Variants in ABHD2 observed in about 807,000 individuals in gnomAD.
ABHD2 encodes the protein abhydrolase domain containing 2, acylglycerol lipase.
A neutral mutation model predicts 48.1 loss-of-function variants in ABHD2; 20 were observed. The ratio of observed to expected loss-of-function variants is 0.42; its 90% CI spans 0.29 to 0.60. The LOEUF is 0.60. ABHD2 is among the 20% of genes least tolerant of loss of function. The pLI, the probability that ABHD2 is intolerant of heterozygous loss-of-function variation, is 0.24. For missense variants in ABHD2, 405 were observed against 550.9 expected (o/e 0.74, Z 2.65); for synonymous variants, 209 against 214.2 (o/e 0.98, Z 0.21).
intron 1 of ABHD2, among the ~76,000 whole-genome samples, chr15:89,098,526 T>C (rs144633912): frequency 6.6e-6 from 1 of 152,318 alleles, no homozygotes; most frequent in Non-Finnish European, 1.5e-5. Context: ...TTCCAGCTCC[T>C]TGTGTGGCCT....
At chr15:89,052,087 C>T in the ABHD2 span, among the ~76,000 whole-genome samples, 1 of 152,184 alleles carries the variant, frequency 6.6e-6, no homozygotes, top group African/African-American at 2.4e-5. Flanking sequence ...AGGCTGAGAT[C>T]TTAGGCCAGA....
At chr15:89,178,760 C>T (rs747913965) in intron 6 of ABHD2, among the ~76,000 whole-genome samples, 5 of 152,294 alleles carry the variant, frequency 3.3e-5, no homozygotes, top group Middle Eastern at 3.4e-3. Flanking sequence ...GCTGCCAACC[C>T]GCCTGGGGAC....
chr15:89,049,469 C>T, the ABHD2 span, among the ~76,000 whole-genome samples: 287 of 152,338 alleles, frequency 1.9e-3, 1 homozygote, highest in South Asian at 0.011. Context: ...TGGGCAATGG[C>T]GGGCGCCCCT....
chr15:89,135,975 G>A, intron 3 of ABHD2: 2 of 348,918 alleles, frequency 5.7e-6, no homozygotes, highest in Non-Finnish European at 1.1e-5. Flanking sequence ...TGCCCAGGCT[G>A]GAGTGCAATG....
the ABHD2 span, among the ~76,000 whole-genome samples, chr15:89,044,353 G>A: frequency 0.88 from 133,355 of 152,130 alleles, 58,974 homozygotes; most frequent in African/African-American, 0.97. Flanking sequence ...GAATAATGCC[G>A]CAATAAACAT....
intron 6 of ABHD2, among the ~76,000 whole-genome samples, chr15:89,181,340 C>T (rs1181583410): frequency 6.6e-6 from 1 of 151,878 alleles, no homozygotes; most frequent in Non-Finnish European, 1.5e-5. Flanking sequence ...AAATCCCCTC[C>T]TTCTACAAGT....
At chr15:89,171,390 G>T (rs1403631795) in intron 5 of ABHD2, among the ~76,000 whole-genome samples, 1 of 152,128 alleles carries the variant, frequency 6.6e-6, no homozygotes, top group African/African-American at 2.4e-5. Flanking sequence ...GCTTGCTCAG[G>T]GGCCACACTC....
At position 89,114,675 on chromosome 15, in the gene ABHD2, A is replaced by G. The variant is rs1300210333; in HGVS notation, c.-7+851A>G. Reference sequence around the variant, plus strand: ...TTTTTGTATTTTTGGTAGAGACAGGATTTCACCATGTTGGCCAGGGCTGGT... The same window carrying G: ...TTTTTGTATTTTTGGTAGAGACAGGGTTTCACCATGTTGGCCAGGGCTGGT... On this transcript the variant is annotated intron_variant, in intron 2 of 10. Transcript: ENST00000352732. This position sits in a 1 kb window ranked among gnomAD's most constrained non-coding sequence, Gnocchi z 4.2. 1.3e-5 allele frequency among the ~76,000 whole-genome samples: 2 copies of G among 151,762 alleles called. No homozygotes were observed. Among genetic ancestry groups the G allele is most frequent in the African/African-American group, 2.4e-5 (1 of 41,292 alleles).
Position 89,102,070 on chromosome 15 carries a change from C to T in ABHD2, c.-106-11655C>T, listed in dbSNP as rs529364480. Among the ~76,000 whole-genome samples, 217 of 152,302 alleles carry T rather than the reference C, an allele frequency of 1.4e-3. 2 individuals carry two copies. The highest frequency in any genetic ancestry group is 0.01 in the Middle Eastern group (3 of 294). On this transcript the variant is annotated intron_variant, in intron 1 of 10. Transcript: ENST00000352732. The surrounding 1 kb of genome is among the most constrained non-coding windows in gnomAD (Gnocchi z 4.8). ...GCACTGAAGCTTCATTCCATAATGA[C>T]TCACTGCCACTGCTCCAAAACACAC...
the ABHD2 span, among the ~76,000 whole-genome samples, chr15:89,063,291 G>T: frequency 6.6e-6 from 1 of 151,264 alleles, no homozygotes; most frequent in Non-Finnish European, 1.5e-5. Flanking sequence ...TCTTGATAGA[G>T]TATGGAATTC....
chr15:89,079,777 T>G, the ABHD2 span, among the ~76,000 whole-genome samples: 1 of 152,202 alleles, frequency 6.6e-6, no homozygotes, highest in South Asian at 2.1e-4. This position sits in a 1 kb window ranked among gnomAD's most constrained non-coding sequence, Gnocchi z 4.3. Context: ...AAAGACTTCC[T>G]CCCTCCTTCT....
chr15:89,135,627 G>C (rs2050296716), intron 3 of ABHD2: 2 of 1,547,616 alleles, frequency 1.3e-6, no homozygotes, highest in Non-Finnish European at 1.7e-6. Context: ...TCTTTTTCTT[G>C]CTTTTTTCAG....
At chr15:89,049,034 C>T in the ABHD2 span, among the ~76,000 whole-genome samples, 1,462 of 152,100 alleles carry the variant, frequency 9.6e-3, 34 homozygotes, top group African/African-American at 0.032. Flanking sequence ...TTTTGGTCTT[C>T]GATGATGGTG....
At chr15:89,115,822 C>T (rs2049950934) in intron 2 of ABHD2, among the ~76,000 whole-genome samples, 1 of 152,138 alleles carries the variant, frequency 6.6e-6, no homozygotes, top group Admixed American at 6.5e-5. Flanking sequence ...CACCTGGTGG[C>T]ACCAGCAGTC....
rs1470234888 is a variant in ABHD2, at chr15:89,088,726, G to T, written c.-107+163G>T. On this transcript the variant is annotated intron_variant, in intron 1 of 10. Transcript: ENST00000352732. The surrounding 1 kb of genome is among the most constrained non-coding windows in gnomAD (Gnocchi z 6.8). The stretch of plus-strand genomic sequence containing the variant: ...ATCTGGCGCCGTGGGGGTCCCAGGG[G>T]CTGGCTTGCCCAGTGGTGGGGACAG... 1.3e-5 allele frequency among the ~76,000 whole-genome samples: 2 copies of T among 152,382 alleles called. No individual in the cohort carries two copies. The highest frequency in any genetic ancestry group is 4.8e-5 in the African/African-American group (2 of 41,600).
chr15:89,175,233 T>G lies in ABHD2; in HGVS notation c.539-579T>G, dbSNP rs2050993048. On this transcript the variant is annotated intron_variant, in intron 5 of 10. Transcript: ENST00000352732. The surrounding 1 kb of genome is among the most constrained non-coding windows in gnomAD (Gnocchi z 5.7). ...GCATTTATTTATTTATTTACTTATT[T>G]TATTTTTTTGAGACAGGGTCTCACT... 6.6e-6 allele frequency among the ~76,000 whole-genome samples: 1 copy of G among 152,234 alleles called. No individual in the cohort carries two copies. The highest frequency in any genetic ancestry group is 1.5e-5 in the Non-Finnish European group (1 of 68,040).
intron 3 of ABHD2, among the ~76,000 whole-genome samples, chr15:89,139,692 C>G (rs895526613): frequency 5.3e-5 from 8 of 152,146 alleles, no homozygotes; most frequent in Non-Finnish European, 1.0e-4. Flanking sequence ...ATCTGTTTGT[C>G]AGAGTAAAGG....
rs1441025699 is a variant in ABHD2 at position 89,137,766 on chromosome 15, T to G, written c.195-13911T>G. Among the ~76,000 whole-genome samples the G allele has an allele frequency of 6.6e-6, 1 of 152,214 alleles. No homozygotes were observed. The highest frequency in any genetic ancestry group is 1.5e-5 in the Non-Finnish European group (1 of 68,022). On this transcript the variant is annotated intron_variant, in intron 3 of 10. Coordinates refer to ENST00000352732, the MANE Select transcript of ABHD2 (RefSeq NM_152924.5). The surrounding 1 kb of genome is among the most constrained non-coding windows in gnomAD (Gnocchi z 4.8). The stretch of plus-strand genomic sequence containing the variant: ...CAAAGTGGATTTCTGATGAGCCTAT[T>G]AATGGGTGTTTGGGAAGCTGAATAT...
At position 89,155,888 on chromosome 15, in the gene ABHD2, C is replaced by T. The variant is rs940170563; in HGVS notation, c.538+354C>T. Among the ~76,000 whole-genome samples, 122 of 152,204 alleles carry T rather than the reference C, an allele frequency of 8.0e-4. No homozygotes were observed. Among genetic ancestry groups the T allele is most frequent in the African/African-American group, 2.9e-3 (119 of 41,526 alleles). ...CTGTGCTGTTCTGATGCTCGTTCCT[C>T]AGGACTCTTGTGACTGACAGGCAAG... On this transcript the variant is annotated intron_variant, in intron 5 of 10. Transcript: ENST00000352732. This position sits in a 1 kb window ranked among gnomAD's most constrained non-coding sequence, Gnocchi z 4.9.
Sources: allele counts gnomAD v4.1 joint callset (sites outside exome capture counted in the v4.1 genomes callset), GRCh38; gene constraint gnomAD v4.1.1; non-coding constraint Gnocchi (gnomAD v3.1); transcripts MANE v1.5; gene names NCBI Gene and HGNC (gene_info 2026-07-23, HGNC 2026-07-21).